OPCML: variants seen among roughly 807,000 people sequenced by gnomAD.
OPCML encodes opioid binding protein/cell adhesion molecule like.
OPCML carries 13 observed loss-of-function variants against 37.8 expected under a neutral mutation model. That is an observed-to-expected ratio of 0.34 (90% CI 0.22 to 0.55). The LOEUF is 0.55. Among genes scored for constraint, OPCML ranks in the 20% least tolerant of loss-of-function variants. OPCML has a pLI of 0.91. For synonymous variants in OPCML, 176 were observed against 168.8 expected (o/e 1.04, Z -0.33); for missense variants, 341 against 435.6 (o/e 0.78, Z 1.93).
chr11:133,447,215 T>G (rs1010545728), intron 1 of OPCML, among the ~76,000 whole-genome samples: 1 of 152,200 alleles, frequency 6.6e-6, no homozygotes, highest in Non-Finnish European at 1.5e-5. Context: ...TTGTCTGTCT[T>G]TTTTTCTTCA....
chr11:133,088,286 G>A (rs1045544310), intron 1 of OPCML, among the ~76,000 whole-genome samples: 22 of 152,276 alleles, frequency 1.4e-4, no homozygotes, highest in African/African-American at 5.1e-4. Context: ...CACGGATTGC[G>A]AAGTCACGTA....
intron 2 of OPCML, among the ~76,000 whole-genome samples, chr11:132,854,820 A>T (rs772691644): frequency 1.3e-5 from 2 of 152,222 alleles, no homozygotes; most frequent in Non-Finnish European, 2.9e-5. Context: ...TTTGTGGGAC[A>T]TGTTGAAACT....
At chr11:133,340,608 CTGTGTGTG>C (rs5795838) in intron 1 of OPCML, among the ~76,000 whole-genome samples, 2,686 of 139,470 alleles carry the variant, frequency 0.019, 72 homozygotes, top group African/African-American at 0.063. Context: ...AAGACTCTCT[CTGTGTGTG>C]TGTGTGTGTG....
chr11:132,453,491 A>C (rs953705065), intron 4 of OPCML, among the ~76,000 whole-genome samples: 5 of 152,200 alleles, frequency 3.3e-5, no homozygotes, highest in Admixed American at 6.5e-5. Context: ...CGGGCCCCAC[A>C]AAAGGACCGC....
intron 3 of OPCML, among the ~76,000 whole-genome samples, chr11:132,547,482 A>G (rs1038736119): frequency 2.6e-5 from 4 of 152,046 alleles, no homozygotes; most frequent in Non-Finnish European, 5.9e-5. Flanking sequence ...AGATTTTTAG[A>G]AAGGGTAGAG....
At chr11:132,723,671 G>T (rs565130275) in intron 2 of OPCML, among the ~76,000 whole-genome samples, 2 of 151,898 alleles carry the variant, frequency 1.3e-5, no homozygotes, top group South Asian at 2.1e-4. Context: ...CTTTCTCATT[G>T]CCCACTTCCT....
At chr11:133,386,889 G>T (rs1167922355) in intron 1 of OPCML, among the ~76,000 whole-genome samples, 1 of 152,208 alleles carries the variant, frequency 6.6e-6, no homozygotes, top group Non-Finnish European at 1.5e-5. Flanking sequence ...CGTGAGGGCA[G>T]ACAGAATGCT....
chr11:132,503,915 T>C (rs1396471219), intron 4 of OPCML, among the ~76,000 whole-genome samples: 1 of 152,166 alleles, frequency 6.6e-6, no homozygotes, highest in Non-Finnish European at 1.5e-5. Flanking sequence ...AATACAGATG[T>C]GGTAGCTATC....
At chr11:133,200,967 A>G (rs1337859145) in intron 1 of OPCML, among the ~76,000 whole-genome samples, 1 of 152,228 alleles carries the variant, frequency 6.6e-6, no homozygotes, top group Non-Finnish European at 1.5e-5. Context: ...GGATGAAATT[A>G]TGTCGTTTGC....
chr11:132,715,784 A>C (rs1457503581), intron 2 of OPCML, among the ~76,000 whole-genome samples: 12 of 152,172 alleles, frequency 7.9e-5, no homozygotes, highest in African/African-American at 2.9e-4. Flanking sequence ...TGTCCGTGGC[A>C]GTTCATTATA....
At chr11:132,497,199 A>G (rs2096234005) in intron 4 of OPCML, among the ~76,000 whole-genome samples, 2 of 152,140 alleles carry the variant, frequency 1.3e-5, no homozygotes, top group African/African-American at 2.4e-5. Flanking sequence ...CTGAGAACAC[A>G]TAGACACATG....
intron 1 of OPCML, among the ~76,000 whole-genome samples, chr11:133,399,619 C>G (rs144435777): frequency 2.0e-5 from 3 of 152,174 alleles, no homozygotes; most frequent in Non-Finnish European, 4.4e-5. Flanking sequence ...CCCCCTCTAT[C>G]CACTCCTCTG....
intron 2 of OPCML, among the ~76,000 whole-genome samples, chr11:132,885,445 G>A (rs1176921345): frequency 6.6e-6 from 1 of 152,092 alleles, no homozygotes; most frequent in African/African-American, 2.4e-5. Context: ...AAGAAAACAC[G>A]ATTCATTCCC....
At chr11:132,504,237 AAAG>A (rs2096251661) in intron 4 of OPCML, among the ~76,000 whole-genome samples, 1 of 152,228 alleles carries the variant, frequency 6.6e-6, no homozygotes, top group Non-Finnish European at 1.5e-5. Flanking sequence ...CAAAGATTTC[AAAG>A]AAGACAAGAA....
chr11:132,998,838 C>T (rs149438288), intron 1 of OPCML, among the ~76,000 whole-genome samples: 1 of 152,138 alleles, frequency 6.6e-6, no homozygotes, highest in Non-Finnish European at 1.5e-5. Context: ...TTGCCAGATA[C>T]CCAATCTGTT....
chr11:133,075,782 C>A (rs1474175811), intron 1 of OPCML, among the ~76,000 whole-genome samples: 1 of 152,200 alleles, frequency 6.6e-6, no homozygotes, highest in Non-Finnish European at 1.5e-5. Context: ...AGCAGGAGAC[C>A]CAGGCCTAGG....
intron 1 of OPCML, among the ~76,000 whole-genome samples, chr11:133,465,265 T>A (rs939919055): frequency 6.6e-6 from 1 of 152,166 alleles, no homozygotes; most frequent in Non-Finnish European, 1.5e-5. Context: ...GTCCTCCTGG[T>A]GACTCTGACC....
intron 1 of OPCML, among the ~76,000 whole-genome samples, chr11:133,204,000 T>A (rs945616739): frequency 7.1e-6 from 1 of 139,906 alleles, no homozygotes; most frequent in African/African-American, 2.7e-5. Context: ...GGAGCTTGCA[T>A]TGAGCCGAGA....
chr11:133,410,606 G>A (rs1190785479), intron 1 of OPCML, among the ~76,000 whole-genome samples: 1 of 89,928 alleles, frequency 1.1e-5, no homozygotes, highest in South Asian at 4.0e-4. Flanking sequence ...TTTTTTCTTT[G>A]AGTGAAAGCA....
Sources: gnomAD v4.1 joint callset for allele counts (sites outside exome capture counted in the v4.1 genomes callset) on GRCh38, gnomAD v4.1.1 for gene constraint, MANE v1.5 for transcripts, NCBI Gene and HGNC (gene_info 2026-07-23, HGNC 2026-07-21) for gene names.